Variants in ASTN2 observed in about 807,000 individuals in gnomAD.
The protein encoded by ASTN2 is astrotactin 2.
In ASTN2, 54 loss-of-function variants were observed where a neutral mutation model predicts 139.8. That is an observed-to-expected ratio of 0.39 (90% confidence interval 0.31 to 0.48). The LOEUF (loss-of-function observed/expected upper bound fraction) is 0.48. Ranked by LOEUF, ASTN2 falls within the 20% of genes least tolerant of loss-of-function variation. The pLI is 0.95. For missense variants in ASTN2, 1,565 were observed against 1,725.1 expected (o/e 0.91, Z 1.64); for synonymous variants, 756 against 719.5 (o/e 1.05, Z -0.81).
At chr9:116,888,542 A>C (rs1266141048) in intron 10 of ASTN2, among the ~76,000 whole-genome samples, 1 of 151,930 alleles carries the variant, frequency 6.6e-6, no homozygotes, top group Non-Finnish European at 1.5e-5. Flanking sequence ...TTTGTTTTTG[A>C]GACAGAGTCT....
rs562919971 is a variant in ASTN2 at position 116,517,315 on chromosome 9, C to T, written c.3356-29815G>A. On this transcript the variant is annotated intron_variant, in intron 19 of 22. Transcript: ENST00000313400. Reference sequence around the variant, plus strand: ...GTGGTGGTATCCATGGCTGCCAAGACCTGAAGACAGATAACATTACAGGAC... The same window carrying T: ...GTGGTGGTATCCATGGCTGCCAAGATCTGAAGACAGATAACATTACAGGAC... Among the ~76,000 whole-genome samples, 179 of 152,338 alleles carry T rather than the reference C, an allele frequency of 1.2e-3. 4 individuals are homozygous for T. The South Asian group carries it at 0.036, about 30-fold the overall frequency.
intron 1 of ASTN2, among the ~76,000 whole-genome samples, chr9:117,348,443 C>T (rs1263281545): frequency 6.6e-6 from 1 of 152,110 alleles, no homozygotes; most frequent in Admixed American, 6.6e-5. Context: ...TCCCATGACA[C>T]CCTATATCTA....
chr9:116,620,265 C>A, intron 18 of ASTN2, 45 bp downstream of exon 18: 1 of 1,613,230 alleles, frequency 6.2e-7, no homozygotes, highest in Admixed American at 1.7e-5. Flanking sequence ...GAGTGTGAGT[C>A]CACGAAAAGG....
At position 116,425,814 on chromosome 9, in the gene ASTN2, G is replaced by A. The variant is rs1240215844; in HGVS notation, c.*37C>T. 1 of 1,608,196 alleles carries A rather than the reference G, an allele frequency of 6.2e-7. No homozygotes were observed. The highest frequency in any genetic ancestry group is 8.5e-7 in the Non-Finnish European group (1 of 1,176,472). ...AGGAGAATACTGCTCCCCCTCCCAT[G>A]GAGAGTCTCTGTGCTCACGGAGGGC... On this transcript the variant is annotated 3_prime_UTR_variant, in exon 23 of 23. Transcript: ENST00000313400.
At chr9:117,109,304 TAAAC>T (rs58504695) in intron 4 of ASTN2, among the ~76,000 whole-genome samples, 1 of 149,854 alleles carries the variant, frequency 6.7e-6, no homozygotes, top group Non-Finnish European at 1.5e-5. Flanking sequence ...AATAAATAAA[TAAAC>T]AAACACAGAG....
intron 10 of ASTN2, among the ~76,000 whole-genome samples, chr9:116,957,176 T>C (rs1376053300): frequency 2.0e-5 from 3 of 152,180 alleles, no homozygotes; most frequent in Non-Finnish European, 2.9e-5. Context: ...TCTTCTATTT[T>C]TTCCCTGCTA....
chr9:116,904,409 G>C (rs551997724), intron 10 of ASTN2, among the ~76,000 whole-genome samples: 6 of 152,294 alleles, frequency 3.9e-5, no homozygotes, highest in African/African-American at 1.4e-4. Context: ...TGGTCAGGCT[G>C]TTCATATTTA....
chr9:116,679,197 T>C (rs1477633980), intron 16 of ASTN2, among the ~76,000 whole-genome samples: 1 of 152,200 alleles, frequency 6.6e-6, no homozygotes, highest in Non-Finnish European at 1.5e-5. Context: ...TGATGACTTA[T>C]GGTAACCTGG....
At chr9:116,585,834 C>T (rs1854123516) in intron 19 of ASTN2, 1 of 152,078 alleles carries the variant, frequency 6.6e-6, no homozygotes. Flanking sequence ...AATTAAAGAG[C>T]TTTCGCACAG....
intron 16 of ASTN2, among the ~76,000 whole-genome samples, chr9:116,702,589 TATTTAATTGGTTCA>T (rs1779110102): frequency 6.6e-6 from 1 of 152,164 alleles, no homozygotes; most frequent in Admixed American, 6.5e-5. Flanking sequence ...TGTTATCAGT[TATTTAATTGGTTCA>T]GGTATTTACC....
At chr9:117,382,672 G>A (rs1200252527) in intron 1 of ASTN2, among the ~76,000 whole-genome samples, 1 of 152,138 alleles carries the variant, frequency 6.6e-6, no homozygotes, top group Non-Finnish European at 1.5e-5. Flanking sequence ...TTGGAGCACT[G>A]GGTTAAGACC....
At chr9:117,193,959 G>GTGTTGT (rs72363787) in intron 3 of ASTN2, among the ~76,000 whole-genome samples, 6 of 151,678 alleles carry the variant, frequency 4.0e-5, no homozygotes, top group South Asian at 2.1e-4. Flanking sequence ...AGAGGGCAGG[G>GTGTTGT]TGTTGTTGTT....
At chr9:117,055,050 G>A (rs1176197913) in intron 5 of ASTN2, among the ~76,000 whole-genome samples, 1 of 152,132 alleles carries the variant, frequency 6.6e-6, no homozygotes, top group Non-Finnish European at 1.5e-5. Flanking sequence ...TTGCTCACTT[G>A]CCCACCGCTC....
intron 6 of ASTN2, among the ~76,000 whole-genome samples, chr9:117,009,912 A>G (rs974378460): frequency 2.6e-5 from 4 of 152,188 alleles, no homozygotes; most frequent in African/African-American, 9.7e-5. Context: ...CTGTCTGAGC[A>G]TCTAAGACTG....
At chr9:116,960,304 C>A (rs1206972725) in intron 10 of ASTN2, among the ~76,000 whole-genome samples, 1 of 152,150 alleles carries the variant, frequency 6.6e-6, no homozygotes, top group East Asian at 1.9e-4. Flanking sequence ...TCAGGAGTAT[C>A]CTGTATTCAA....
At chr9:117,000,439 G>T (rs1244315235) in intron 7 of ASTN2, among the ~76,000 whole-genome samples, 8 of 152,184 alleles carry the variant, frequency 5.3e-5, no homozygotes, top group Non-Finnish European at 1.0e-4. Flanking sequence ...ATGTGTTGTA[G>T]ACCATATTGT....
chr9:116,848,579 GC>G (rs1436536416), intron 11 of ASTN2, among the ~76,000 whole-genome samples: 1 of 152,216 alleles, frequency 6.6e-6, no homozygotes, highest in East Asian at 1.9e-4. Flanking sequence ...GAGCCAGGAA[GC>G]CTGGCACCTG....
intron 1 of ASTN2, among the ~76,000 whole-genome samples, chr9:117,299,524 G>A (rs908498306): frequency 6.6e-6 from 1 of 152,162 alleles, no homozygotes; most frequent in South Asian, 2.1e-4. Context: ...CACTTCAGAT[G>A]GAGAATTGGC....
chr9:116,736,732 G>C (rs964929450), intron 13 of ASTN2, among the ~76,000 whole-genome samples: 2 of 152,218 alleles, frequency 1.3e-5, no homozygotes, highest in Non-Finnish European at 1.5e-5. Flanking sequence ...TTTGGGAAAT[G>C]AAATCTGAAG....
Sources: allele counts gnomAD v4.1 joint callset (sites outside exome capture counted in the v4.1 genomes callset), GRCh38; gene constraint gnomAD v4.1.1; transcripts MANE v1.5; gene names NCBI Gene and HGNC (gene_info 2026-07-23, HGNC 2026-07-21).